Variants in MCF2L2 observed in about 807,000 individuals in gnomAD.
The protein encoded by MCF2L2 is probable guanine nucleotide exchange factor MCF2L2.
A neutral mutation model predicts 150.2 loss-of-function variants in MCF2L2; 102 were observed. The ratio of observed to expected loss-of-function variants is 0.68; its 90% CI spans 0.58 to 0.80. The LOEUF is 0.80. MCF2L2 is among the 30% of genes least tolerant of loss of function. The pLI is 0.00. For synonymous variants in MCF2L2, 465 were observed against 491.3 expected (o/e 0.95, Z 0.71); for missense variants, 1,256 against 1,372.8 (o/e 0.91, Z 1.34).
chr3:183,231,324 T>C (rs1723548914), intron 15 of MCF2L2: 18 of 514,950 alleles, frequency 3.5e-5, no homozygotes, highest in South Asian at 2.5e-4. Context: ...AAGGGAGATG[T>C]TGGAGTCAGA....
At chr3:183,306,844 GA>G (rs1729123650) in intron 10 of MCF2L2, among the ~76,000 whole-genome samples, 1 of 152,316 alleles carries the variant, frequency 6.6e-6, no homozygotes, top group Admixed American at 6.5e-5. Context: ...CCCTTATGGG[GA>G]GAGGTCAAGG....
Position 183,270,087 on chromosome 3 carries a change from G to T in MCF2L2, c.1862+6785C>A, listed in dbSNP as rs1560388730. ...CCTCCTTTTACTGTTTGTAAAAACT[G>T]CTCCTGAAAACTATGATCGACGTTC... On this transcript the variant is annotated intron_variant, in intron 15 of 29. Coordinates refer to ENST00000328913, the MANE Select transcript of MCF2L2 (RefSeq NM_015078.4). This position sits in a 1 kb window ranked among gnomAD's most constrained non-coding sequence, Gnocchi z 4.5. The T allele has an allele frequency of 6.2e-7, 1 of 1,614,164 alleles. No homozygotes were observed. Among genetic ancestry groups the T allele is most frequent in the Non-Finnish European group, 8.5e-7 (1 of 1,180,038 alleles).
At chr3:183,352,681 A>G (rs1402638530) in intron 3 of MCF2L2, among the ~76,000 whole-genome samples, 1 of 152,216 alleles carries the variant, frequency 6.6e-6, no homozygotes, top group Non-Finnish European at 1.5e-5. Context: ...TCTTGAGTAA[A>G]AAAAGAGAGA....
intron 15 of MCF2L2, among the ~76,000 whole-genome samples, chr3:183,242,803 T>C (rs1376161127): frequency 6.6e-6 from 1 of 152,130 alleles, no homozygotes; most frequent in Non-Finnish European, 1.5e-5. Flanking sequence ...GTTTGCACCA[T>C]GTGCTTGGAA....
intron 13 of MCF2L2, among the ~76,000 whole-genome samples, chr3:183,294,390 C>T (rs1038450074): frequency 4.6e-5 from 7 of 151,766 alleles, no homozygotes; most frequent in African/African-American, 7.3e-5. Flanking sequence ...TTGCTCTTGT[C>T]GCCCAGGCTG....
intron 10 of MCF2L2, among the ~76,000 whole-genome samples, chr3:183,303,336 C>T (rs563951809): frequency 1.3e-5 from 2 of 152,306 alleles, no homozygotes; most frequent in Admixed American, 1.3e-4. Context: ...CGGTGACCTG[C>T]TTGGCTGGAA....
chr3:183,354,507 C>A (rs1711646855), intron 3 of MCF2L2, among the ~76,000 whole-genome samples: 1 of 142,200 alleles, frequency 7.0e-6, no homozygotes, highest in Non-Finnish European at 1.5e-5. Context: ...TTATCTTAAC[C>A]CCCAGCATTT....
In MCF2L2 at chr3:183,206,176, G is replaced by A. The variant is rs2108646497; in HGVS notation, c.2751C>T (p.Ser917=). The A allele has an allele frequency of 6.2e-7, 1 of 1,614,106 alleles. No individual in the cohort carries two copies. The highest frequency in any genetic ancestry group is 8.5e-7 in the Non-Finnish European group (1 of 1,179,986). Residue 917 remains serine (S), a synonymous_variant, in exon 24 of 30, where the codon AGC becomes AGT. Coordinates refer to ENST00000328913, the MANE Select transcript of MCF2L2 (RefSeq NM_015078.4). Reference sequence around the variant, plus strand: ...GACTGGCAATCTCAAACTTTCTATGGCTCCCCCTTCCAAGCTGGCGAATTG... The same window carrying A: ...GACTGGCAATCTCAAACTTTCTATGACTCCCCCTTCCAAGCTGGCGAATTG... The part of the protein sequence containing the change: ...TLSIRQLGRG[S]HRKFEIASRN...
intron 25 of MCF2L2, among the ~76,000 whole-genome samples, chr3:183,196,896 A>G (rs962470558): frequency 6.6e-6 from 1 of 152,152 alleles, no homozygotes; most frequent in Non-Finnish European, 1.5e-5. Flanking sequence ...GGCCTTAAGG[A>G]GGGCTTGAGA....
At chr3:183,192,116 C>T (rs112188113) in intron 27 of MCF2L2, among the ~76,000 whole-genome samples, 11,259 of 148,320 alleles carry the variant, frequency 0.076, 1,053 homozygotes, top group African/African-American at 0.22. Context: ...CCCAAAGTGC[C>T]GGGATTACAG....
chr3:183,415,348 G>A (rs2108626865), intron 1 of MCF2L2, among the ~76,000 whole-genome samples: 1 of 152,144 alleles, frequency 6.6e-6, no homozygotes, highest in African/African-American at 2.4e-5. Flanking sequence ...CACCACACCT[G>A]ACTAATTTTT....
chr3:183,259,335 T>A (rs1406333995), intron 15 of MCF2L2, among the ~76,000 whole-genome samples: 1 of 152,162 alleles, frequency 6.6e-6, no homozygotes, highest in African/African-American at 2.4e-5. Flanking sequence ...GAGTAGTGGC[T>A]GTTTGTAGCA....
intron 1 of MCF2L2, among the ~76,000 whole-genome samples, chr3:183,407,795 T>G (rs78206160): frequency 0.015 from 2,248 of 152,246 alleles, 41 homozygotes; most frequent in East Asian, 0.074. Flanking sequence ...GCTAGAGGTA[T>G]AAATATTGCA....
At chr3:183,348,672 GT>G (rs1323205562) in intron 3 of MCF2L2, among the ~76,000 whole-genome samples, 1 of 152,084 alleles carries the variant, frequency 6.6e-6, no homozygotes, top group Admixed American at 6.6e-5. Context: ...AAAGAAAAGG[GT>G]AGTAAAACAT....
chr3:183,423,443 G>A (rs1715987503), intron 1 of MCF2L2, among the ~76,000 whole-genome samples: 1 of 152,028 alleles, frequency 6.6e-6, no homozygotes, highest in Non-Finnish European at 1.5e-5. Flanking sequence ...TGTTTCAAAG[G>A]ATATTCTTTT....
chr3:183,364,753 T>A (rs532093234), intron 3 of MCF2L2, among the ~76,000 whole-genome samples: 1 of 152,126 alleles, frequency 6.6e-6, no homozygotes, highest in Non-Finnish European at 1.5e-5. Context: ...AGAAACGACT[T>A]TGCACATCCC....
intron 17 of MCF2L2, among the ~76,000 whole-genome samples, chr3:183,229,302 A>G (rs1212707016): frequency 1.3e-5 from 2 of 152,246 alleles, no homozygotes; most frequent in African/African-American, 2.4e-5. Context: ...TTATGATAGT[A>G]GTATGGAGAT....
chr3:183,348,335 A>G (rs7631211), intron 3 of MCF2L2, among the ~76,000 whole-genome samples: 21,957 of 151,334 alleles, frequency 0.15, 1,715 homozygotes, highest in African/African-American at 0.18. Flanking sequence ...TCTCACTCAT[A>G]AATGGGAAGT....
intron 16 of MCF2L2, among the ~76,000 whole-genome samples, chr3:183,230,407 T>A (rs981508175): frequency 6.6e-6 from 1 of 152,170 alleles, no homozygotes; most frequent in Non-Finnish European, 1.5e-5. Context: ...AGCCACTGCA[T>A]CCGGCCCAAT....
Sources: allele counts gnomAD v4.1 joint callset (sites outside exome capture counted in the v4.1 genomes callset), GRCh38; gene constraint gnomAD v4.1.1; non-coding constraint Gnocchi (gnomAD v3.1); transcripts MANE v1.5; gene names NCBI Gene and HGNC (gene_info 2026-07-23, HGNC 2026-07-21).